The following FBN3 variants were observed in gnomAD, a reference collection of about 807,000 sequenced individuals.
The protein encoded by FBN3 is fibrillin 3, also known as fibrillin-3.
A neutral mutation model predicts 330.1 loss-of-function variants in FBN3; 234 were observed. That is an observed-to-expected ratio of 0.71 (90% CI 0.64 to 0.79). FBN3 has a LOEUF of 0.79. FBN3 is among the 30% of genes least tolerant of loss of function. FBN3 has a pLI of 0.00. For missense variants in FBN3, 3,606 were observed against 3,886.9 expected, an observed-to-expected ratio of 0.93 and a Z score of 1.92; for synonymous variants, 1,458 against 1,517.3, an observed-to-expected ratio of 0.96 and a Z score of 0.91.
At chr19:8,135,936 G>GGGGGGGGGGGGGGGCCCCCCCCCCCCCCC in intron 13 of FBN3, 25 bp downstream of exon 13, 26 of 668,686 alleles carry the variant, frequency 3.9e-5, no homozygotes, top group Non-Finnish European at 5.8e-5. Flanking sequence ...GGAAGCCCCT[G>GGGGGGGGGGGGGGGCCCCCCCCCCCCCCC]CCCACCCGCC....
intron 26 of FBN3, 75 bp downstream of exon 26, chr19:8,118,822 A>T: frequency 1.3e-6 from 2 of 1,549,908 alleles, no homozygotes; most frequent in Non-Finnish European, 1.8e-6. Context: ...CATCCAGCCC[A>T]CATTCACCAG....
rs370638898 is a variant in FBN3, at chr19:8,129,214, A to G, written c.2170+26T>C. On this transcript the variant is annotated intron_variant, in intron 17 of 63. Coordinates refer to ENST00000600128, the MANE Select transcript of FBN3 (RefSeq NM_032447.5). This position sits in a 1 kb window ranked among gnomAD's most constrained non-coding sequence, Gnocchi z 4.5. ...CTGCAGTGGGAGAGGCTGCCCACAC[A>G]TCCGCCCGCCAGGTGGCATGCTCAC... 16 of 1,613,026 alleles carry G rather than the reference A, an allele frequency of 9.9e-6. No homozygotes were observed. The highest frequency in any genetic ancestry group is 3.3e-5 in the Admixed American group (2 of 59,950).
intron 48 of FBN3, 23 bp from the exon 49 acceptor site, chr19:8,090,274 C>T: frequency 5.0e-6 from 8 of 1,612,782 alleles, no homozygotes; most frequent in Non-Finnish European, 6.8e-6. Context: ...GGCTCCATTA[C>T]CCTGATTGAA....
intron 13 of FBN3, among the ~76,000 whole-genome samples, chr19:8,133,780 A>C (rs1047307626): frequency 1.3e-5 from 2 of 152,076 alleles, no homozygotes; most frequent in African/African-American, 2.4e-5. Flanking sequence ...GATTAAATTT[A>C]GGTTGTGTGA....
At chr19:8,090,375 ACATG>A in intron 48 of FBN3, 124 bp from the exon 49 acceptor site, 2 of 1,045,134 alleles carry the variant, frequency 1.9e-6, no homozygotes, top group Non-Finnish European at 2.8e-6. Flanking sequence ...GCCAATCAGA[ACATG>A]CCATGCCCCT....
At chr19:8,125,828 A>T in intron 22 of FBN3, 64 bp downstream of exon 22, 1 of 1,509,206 alleles carries the variant, frequency 6.6e-7, no homozygotes, top group Non-Finnish European at 8.8e-7. Flanking sequence ...TCCTCAAGTC[A>T]CTGCGGGTGG....
chr19:8,135,519 C>T (rs900458772), intron 13 of FBN3, among the ~76,000 whole-genome samples: 1 of 151,610 alleles, frequency 6.6e-6, no homozygotes, highest in African/African-American at 2.4e-5. Flanking sequence ...CTCGGCCTCC[C>T]AAAGTGCTGG....
intron 40 of FBN3, among the ~76,000 whole-genome samples, chr19:8,101,620 C>G (rs944289240): frequency 6.6e-6 from 1 of 152,130 alleles, no homozygotes. Flanking sequence ...TATCTCTAAC[C>G]AGCTGTGCTT....
At chr19:8,091,952 C>G (rs1413300022) in intron 47 of FBN3, among the ~76,000 whole-genome samples, 2 of 152,014 alleles carry the variant, frequency 1.3e-5, no homozygotes, top group Non-Finnish European at 2.9e-5. Context: ...GAGGTGGAGG[C>G]GGGTGGATCA....
At chr19:8,135,936 G>GTCCCCCCC in intron 13 of FBN3, 25 bp downstream of exon 13, 15 of 668,770 alleles carry the variant, frequency 2.2e-5, no homozygotes, top group South Asian at 3.2e-5. Flanking sequence ...GGAAGCCCCT[G>GTCCCCCCC]CCCACCCGCC....
chr19:8,139,481 C>G (rs2083363820), intron 8 of FBN3, among the ~76,000 whole-genome samples: 1 of 152,122 alleles, frequency 6.6e-6, no homozygotes, highest in African/African-American at 2.4e-5. Flanking sequence ...TCCAACCACA[C>G]TAAGGAAGAC....
At chr19:8,139,884 A>G (rs2083373232) in intron 8 of FBN3, among the ~76,000 whole-genome samples, 1 of 151,734 alleles carries the variant, frequency 6.6e-6, no homozygotes, top group Admixed American at 6.6e-5. Context: ...GCCACCCCTG[A>G]CCTGCCCCGA....
rs147185609 is a variant in FBN3, at chr19:8,137,406, C to T, written c.1201+735G>A. On this transcript the variant is annotated intron_variant, in intron 10 of 63. Transcript: ENST00000600128. ...AACCTGGAGCCTAGATCCCTCCAAC[C>T]TGGGGCCTAGATCCCTCCAAAATGG... Among the ~76,000 whole-genome samples the T allele has an allele frequency of 3.6e-3, 542 of 151,794 alleles. 6 individuals are homozygous for T. The highest frequency in any genetic ancestry group is 0.014 in the Middle Eastern group (4 of 294).
At chr19:8,100,838 G>T in intron 41 of FBN3, 63 bp downstream of exon 41, 2 of 1,297,508 alleles carry the variant, frequency 1.5e-6, no homozygotes, top group Non-Finnish European at 2.2e-6. Context: ...GGAGGGGAGG[G>T]GTGGGAGGAA....
chr19:8,117,692 G>A, intron 26 of FBN3, 103 bp from the exon 27 acceptor site: 1 of 1,323,980 alleles, frequency 7.6e-7, no homozygotes, highest in Non-Finnish European at 1.0e-6. Flanking sequence ...AGCTCACACT[G>A]CCAGCATTGG....
chr19:8,146,263 C>A, intron 3 of FBN3, 38 bp from the exon 4 acceptor site: 1 of 1,533,422 alleles, frequency 6.5e-7, no homozygotes, highest in Non-Finnish European at 8.9e-7. Context: ...AGACCAGGAC[C>A]GAGCCTGGGC....
chr19:8,123,943 T>G lies in FBN3; in HGVS notation c.2797A>C (p.Lys933Gln), dbSNP rs142483640. The change falls in exon 23 of 64, where the codon AAG becomes CAG. Residue 933 changes from lysine (K) to glutamine (Q), a missense_variant. Physicochemically the swap from Lys to Gln is moderately conservative, Grantham distance 53. Transcript: ENST00000600128. ...CAGCAGCAGACGTCCATCCGGTACT[T>G]GCCAGGCAGGGTGACCCCACACTCA... ...EDECGVTLPG[K>Q]YRMDVCCCSI... 962 of 1,613,988 alleles carry G rather than the reference T, an allele frequency of 6.0e-4. 1 individual carries two copies. Among genetic ancestry groups the G allele is most frequent in the Non-Finnish European group, 7.5e-4 (886 of 1,180,032 alleles).
intron 51 of FBN3, among the ~76,000 whole-genome samples, chr19:8,088,577 G>A (rs2082019451): frequency 6.6e-6 from 1 of 152,206 alleles, no homozygotes; most frequent in Non-Finnish European, 1.5e-5. Flanking sequence ...ATGGTTAAAT[G>A]AATAAGGGAA....
At chr19:8,147,733 G>T in intron 1 of FBN3, 1 of 383,524 alleles carries the variant, frequency 2.6e-6, no homozygotes. Context: ...AAGGCAAGAC[G>T]GGAGTGGGAA....
Sources: allele counts gnomAD v4.1 joint callset (sites outside exome capture counted in the v4.1 genomes callset), GRCh38; gene constraint gnomAD v4.1.1; non-coding constraint Gnocchi (gnomAD v3.1); transcripts MANE v1.5; gene names NCBI Gene and HGNC (gene_info 2026-07-23, HGNC 2026-07-21).